The following RAB37 variants were observed in gnomAD, a reference collection of about 807,000 sequenced individuals.
RAB37 encodes RAB37, member RAS oncogene family.
RAB37 carries 29 observed loss-of-function variants against 33.1 expected under a neutral mutation model. That is an observed-to-expected ratio of 0.88 (90% CI 0.65 to 1.20). RAB37 has a LOEUF of 1.20. Among genes scored for constraint, RAB37 ranks in the 50% most tolerant of loss-of-function variants. The pLI is 0.00. For missense variants in RAB37, 299 were observed against 301.1 expected, an observed-to-expected ratio of 0.99 and a Z score of 0.05; for synonymous variants, 128 against 119.5, an observed-to-expected ratio of 1.07 and a Z score of -0.47.
At chr17:74,702,922 C>G (rs1328234712) in intron 1 of RAB37, 2 of 866,024 alleles carry the variant, frequency 2.3e-6, no homozygotes, top group Non-Finnish European at 3.7e-6. Flanking sequence ...TCATCCTCAC[C>G]AAGGAGCATG....
intron 2 of RAB37, among the ~76,000 whole-genome samples, chr17:74,731,311 C>T (rs1011808802): frequency 1.3e-5 from 2 of 152,186 alleles, no homozygotes; most frequent in Non-Finnish European, 1.5e-5. Context: ...GAGGCAGGTG[C>T]TGCCACAGGC....
intron 1 of RAB37, among the ~76,000 whole-genome samples, chr17:74,683,195 G>T (rs534976531): frequency 6.6e-6 from 1 of 152,186 alleles, no homozygotes; most frequent in African/African-American, 2.4e-5. Flanking sequence ...CCTATGAAGC[G>T]ATAGGCTTAT....
chr17:74,681,672 C>G (rs1329169353), intron 1 of RAB37, among the ~76,000 whole-genome samples: 1 of 152,234 alleles, frequency 6.6e-6, no homozygotes, highest in Non-Finnish European at 1.5e-5. Flanking sequence ...TCTCCTTTCC[C>G]TGAAACCAGG....
intron 1 of RAB37, among the ~76,000 whole-genome samples, chr17:74,707,886 T>G (rs1337277947): frequency 6.6e-6 from 1 of 151,390 alleles, no homozygotes; most frequent in Non-Finnish European, 1.5e-5. Context: ...TAGAAAAAAA[T>G]TATACAGGCC....
At position 74,704,688 on chromosome 17, in the gene RAB37, T is replaced by G. The variant is rs1266984799; in HGVS notation, c.73-24568T>G. 6 of 1,614,150 alleles carry G rather than the reference T, an allele frequency of 3.7e-6. No homozygotes were observed. Among genetic ancestry groups the G allele is most frequent in the Middle Eastern group, 1.6e-4 (1 of 6,062 alleles). ...ACAAGGATCTTGCAGTCACGCCAAA[T>G]AGCTCCTCGACACCACCACTTCAAG... On this transcript the variant is annotated intron_variant, in intron 1 of 7. Transcript: ENST00000340415.
intron 1 of RAB37, among the ~76,000 whole-genome samples, chr17:74,726,621 A>T (rs1305824013): frequency 3.9e-5 from 6 of 152,224 alleles, no homozygotes; most frequent in Admixed American, 3.3e-4. Flanking sequence ...TCTAACCAGG[A>T]GGAAATAAAA....
At chr17:74,734,983 AAAAG>A (rs1159055288), upstream of RAB37, among the ~76,000 whole-genome samples, 2 of 144,606 alleles carry the variant, frequency 1.4e-5, no homozygotes, top group Non-Finnish European at 3.0e-5. Context: ...GAAAGAAAGA[AAAAG>A]AAAGGAAGAA....
upstream of RAB37, among the ~76,000 whole-genome samples, chr17:74,732,426 T>C (rs1369007226): frequency 6.6e-6 from 1 of 151,900 alleles, no homozygotes; most frequent in Admixed American, 6.6e-5. Context: ...GCCATCGACC[T>C]GGATAGCAGG....
At chr17:74,684,324 C>T (rs2032011290) in intron 1 of RAB37, among the ~76,000 whole-genome samples, 1 of 151,104 alleles carries the variant, frequency 6.6e-6, no homozygotes, top group South Asian at 2.1e-4. Context: ...AACTCCAGAC[C>T]TCAAGTGATC....
chr17:74,685,132 A>G (rs1211631684), intron 1 of RAB37, among the ~76,000 whole-genome samples: 2 of 151,336 alleles, frequency 1.3e-5, no homozygotes, highest in Non-Finnish European at 1.5e-5. Flanking sequence ...AGGCTCCTAT[A>G]GGTAGCTGGG....
intron 1 of RAB37, among the ~76,000 whole-genome samples, chr17:74,739,504 A>T (rs1217980111): frequency 7.1e-6 from 1 of 140,632 alleles, no homozygotes; most frequent in Non-Finnish European, 1.5e-5. Context: ...ATAAATTTCA[A>T]CCTTCCCTAA....
chr17:74,740,853 T>C lies in RAB37; in HGVS notation c.179T>C (p.Ile60Thr), dbSNP rs1254894593. The change falls in exon 2 of 9, where the codon ATA (isoleucine) becomes ACA (threonine). Residue 60 changes from isoleucine (I) to threonine (T), a missense_variant. Ile to Thr is a moderately conservative substitution (Grantham distance 89). Transcript: ENST00000392613. Reference protein sequence around the residue: ...KDGAFLSGTFIATVGIDFRNK... With the variant: ...KDGAFLSGTFTATVGIDFRNK... ...GGGGCCTTCCTGTCCGGAACCTTCA[T>C]AGCCACCGTCGGCATAGACTTCAGG... 1.9e-6 allele frequency: 3 copies of C among 1,613,798 alleles called. No individual in the cohort carries two copies. The Admixed American group carries it at 5.0e-5, about 27-fold the overall frequency.
chr17:74,740,803 A>T lies in RAB37; in HGVS notation c.129A>T (p.Thr43=). 1.2e-6 allele frequency: 2 copies of T among 1,614,096 alleles called. No homozygotes were observed. The highest frequency in any genetic ancestry group is 2.2e-5 in the South Asian group (2 of 91,084). ...MLLGDTGVGK[T]CFLIQFKDGA... Reference sequence around the variant, plus strand: ...TGGGAGACACAGGCGTCGGCAAAACATGTTTCCTGATCCAATTCAAAGACG... The same window carrying T: ...TGGGAGACACAGGCGTCGGCAAAACTTGTTTCCTGATCCAATTCAAAGACG... The change falls in exon 2 of 9, where the codon ACA becomes ACT. Residue 43 remains threonine, a synonymous_variant. Transcript: ENST00000392613.
chr17:74,673,276 G>A (rs558078671), intron 1 of RAB37, among the ~76,000 whole-genome samples: 11 of 151,726 alleles, frequency 7.2e-5, no homozygotes, highest in African/African-American at 1.2e-4. Flanking sequence ...GGTGGTGTGC[G>A]CCTGTGATCC....
At chr17:74,702,761 G>A (rs1210580421) in intron 1 of RAB37, among the ~76,000 whole-genome samples, 2 of 152,178 alleles carry the variant, frequency 1.3e-5, no homozygotes, top group African/African-American at 2.4e-5. Context: ...TCAGCACGGT[G>A]CAGCCATGTA....
At chr17:74,693,119 C>G (rs929624725) in intron 1 of RAB37, among the ~76,000 whole-genome samples, 3 of 152,154 alleles carry the variant, frequency 2.0e-5, no homozygotes, top group African/African-American at 7.2e-5. Flanking sequence ...GGGCCACTGC[C>G]CCCTAAGTGG....
intron 1 of RAB37, among the ~76,000 whole-genome samples, chr17:74,740,410 C>T (rs377728373): frequency 5.3e-5 from 8 of 152,234 alleles, no homozygotes; most frequent in African/African-American, 1.9e-4. Flanking sequence ...GGACGGAATC[C>T]CTGCATGGTG....
In RAB37 at chr17:74,745,386, G is replaced by A. The variant is rs537134838; in HGVS notation, c.647G>A (p.Arg216His). 8.7e-6 allele frequency: 14 copies of A among 1,614,052 alleles called. No individual in the cohort carries two copies. The Admixed American group carries it at 1.5e-4, about 17-fold the overall frequency. ...GACTATGTAGAGTCCCAGAAGAAGCGCTCCAGCTGCTGCTCCTTCATGTGA... is the reference window on the plus strand; with the variant it reads ...GACTATGTAGAGTCCCAGAAGAAGCACTCCAGCTGCTGCTCCTTCATGTGA... ...IRDYVESQKK[R>H]SSCCSFM Residue 216 changes from arginine to histidine, a missense_variant, in exon 9 of 9, where the codon CGC becomes CAC. Transcript: ENST00000392613. This position sits in a 1 kb window ranked among gnomAD's most constrained non-coding sequence, Gnocchi z 4.5.
At chr17:74,702,998 G>A in intron 1 of RAB37, 1 of 1,550,722 alleles carries the variant, frequency 6.4e-7, no homozygotes. Flanking sequence ...GAGGAGTTTG[G>A]GCCAAGTAGG....
Sources: gnomAD v4.1 joint callset for allele counts (sites outside exome capture counted in the v4.1 genomes callset) on GRCh38, gnomAD v4.1.1 for gene constraint, Gnocchi (gnomAD v3.1) non-coding constraint, MANE v1.5 for transcripts, NCBI Gene and HGNC (gene_info 2026-07-23, HGNC 2026-07-21) for gene names.